Variants in MYO1E observed in about 807,000 individuals in gnomAD.
MYO1E encodes the protein unconventional myosin-Ie.
In MYO1E, 68 loss-of-function variants were observed where a neutral mutation model predicts 151.1. The ratio of observed to expected loss-of-function variants is 0.45; its 90% CI spans 0.37 to 0.55. The LOEUF is 0.55. Ranked by LOEUF, MYO1E falls within the 20% of genes least tolerant of loss-of-function variation. The probability of loss-of-function intolerance (pLI) is 0.00; values close to 1 mark genes in which losing one functional copy is unlikely to be tolerated. For missense variants in MYO1E, 1,363 were observed against 1,389.3 expected (o/e 0.98, Z 0.30); for synonymous variants, 601 against 501.7 (o/e 1.20, Z -2.64).
At chr15:59,339,319 T>C (rs1262223819) in intron 1 of MYO1E, among the ~76,000 whole-genome samples, 1 of 152,174 alleles carries the variant, frequency 6.6e-6, no homozygotes, top group Non-Finnish European at 1.5e-5. Flanking sequence ...ACAAGAGATG[T>C]TTTCCTGTTC....
intron 1 of MYO1E, among the ~76,000 whole-genome samples, chr15:59,325,795 C>G (rs1190432222): frequency 6.6e-6 from 1 of 152,116 alleles, no homozygotes; most frequent in Non-Finnish European, 1.5e-5. Context: ...ATCTGTAGTG[C>G]TCAATGTCAG....
chr15:59,252,630 G>T (rs752520387), intron 4 of MYO1E, among the ~76,000 whole-genome samples: 4 of 152,010 alleles, frequency 2.6e-5, no homozygotes, highest in Non-Finnish European at 5.9e-5. Context: ...CAGGAGAACT[G>T]CTTGAACCCA....
intron 1 of MYO1E, among the ~76,000 whole-genome samples, chr15:59,314,282 T>C (rs1445757886): frequency 2.0e-5 from 3 of 152,206 alleles, no homozygotes; most frequent in African/African-American, 7.2e-5. Context: ...TTTCACACAA[T>C]GCTGGAGAGA....
chr15:59,361,114 G>T (rs779392205), intron 1 of MYO1E, among the ~76,000 whole-genome samples: 20 of 152,104 alleles, frequency 1.3e-4, no homozygotes, highest in Non-Finnish European at 2.2e-4. Flanking sequence ...GAGACACATG[G>T]CCAAGCCATC....
At chr15:59,300,211 C>G (rs1016735799) in intron 1 of MYO1E, among the ~76,000 whole-genome samples, 5 of 152,118 alleles carry the variant, frequency 3.3e-5, no homozygotes, top group Non-Finnish European at 5.9e-5. Flanking sequence ...AACCAGCATG[C>G]CTGGCAATGA....
chr15:59,267,806 A>C (rs1184457837), intron 2 of MYO1E, among the ~76,000 whole-genome samples: 2 of 152,246 alleles, frequency 1.3e-5, no homozygotes, highest in African/African-American at 4.8e-5. Context: ...CTTACAATGT[A>C]ATTGTAAAAA....
At chr15:59,229,988 A>G (rs1181211094) in intron 6 of MYO1E, among the ~76,000 whole-genome samples, 1 of 152,176 alleles carries the variant, frequency 6.6e-6, no homozygotes, top group Non-Finnish European at 1.5e-5. Context: ...AGCTTATGTA[A>G]TTTATTCTAA....
At chr15:59,207,825 T>G (rs1245174830) in intron 14 of MYO1E, 2 of 1,614,196 alleles carry the variant, frequency 1.2e-6, no homozygotes. Flanking sequence ...AAATGAAAGG[T>G]TATACTTCTT....
At chr15:59,344,882 T>A (rs1433613737) in intron 1 of MYO1E, among the ~76,000 whole-genome samples, 1 of 152,192 alleles carries the variant, frequency 6.6e-6, no homozygotes, top group Admixed American at 6.5e-5. Context: ...GGCACTAGAA[T>A]CAATAGGTAC....
chr15:59,207,757 C>T lies in MYO1E; in HGVS notation c.1530+924G>A. 1.2e-6 allele frequency: 2 copies of T among 1,614,132 alleles called. No homozygotes were observed. Among genetic ancestry groups the T allele is most frequent in the Non-Finnish European group, 8.5e-7 (1 of 1,180,042 alleles). Reference sequence around the variant, plus strand: ...CTCTGATATAGGAACTGATAAAGATCCTGAGCAATGGAAAAATGTCCACAA... The same window carrying T: ...CTCTGATATAGGAACTGATAAAGATTCTGAGCAATGGAAAAATGTCCACAA... On this transcript the variant is annotated intron_variant, in intron 14 of 27. Transcript: ENST00000288235.
chr15:59,371,528 G>A (rs1207436399), intron 1 of MYO1E, among the ~76,000 whole-genome samples: 5 of 151,938 alleles, frequency 3.3e-5, no homozygotes. Context: ...AAAGCCCAAG[G>A]GAGGTGGCTA....
chr15:59,317,664 C>G (rs1402681602), intron 1 of MYO1E, among the ~76,000 whole-genome samples: 1 of 152,106 alleles, frequency 6.6e-6, no homozygotes, highest in East Asian at 1.9e-4. Context: ...TTCTTCGGAA[C>G]AGTAAACCCT....
At chr15:59,362,697 C>T (rs1453768674) in intron 1 of MYO1E, among the ~76,000 whole-genome samples, 2 of 152,200 alleles carry the variant, frequency 1.3e-5, no homozygotes, top group African/African-American at 2.4e-5. Context: ...ACACCAAAAA[C>T]AGCCCTATTA....
intron 26 of MYO1E, among the ~76,000 whole-genome samples, chr15:59,149,897 A>T (rs2079466202): frequency 6.6e-6 from 1 of 152,224 alleles, no homozygotes; most frequent in Admixed American, 6.5e-5. Context: ...TTGGGATCCT[A>T]AAATTCCCTG....
intron 1 of MYO1E, among the ~76,000 whole-genome samples, chr15:59,300,774 T>C (rs1242362492): frequency 6.6e-6 from 1 of 152,104 alleles, no homozygotes; most frequent in Non-Finnish European, 1.5e-5. Flanking sequence ...ACAGGCTAGC[T>C]CTAAGAAGCT....
intron 22 of MYO1E, among the ~76,000 whole-genome samples, chr15:59,163,876 A>G (rs1473657236): frequency 6.6e-6 from 1 of 152,248 alleles, no homozygotes; most frequent in Non-Finnish European, 1.5e-5. Context: ...ACGTACAGAC[A>G]CATCCAAGTT....
At chr15:59,247,751 G>T (rs1187882435) in intron 4 of MYO1E, among the ~76,000 whole-genome samples, 1 of 152,150 alleles carries the variant, frequency 6.6e-6, no homozygotes, top group Non-Finnish European at 1.5e-5. Flanking sequence ...TCTGGAGGTG[G>T]AGCCTACATA....
chr15:59,366,295 TTTCTC>T (rs2080912719), intron 1 of MYO1E, among the ~76,000 whole-genome samples: 6 of 56,058 alleles, frequency 1.1e-4, no homozygotes, highest in South Asian at 7.6e-4. Context: ...CTTTCTTTTT[TTTCTC>T]TCTCTCTCTT....
chr15:59,141,722 C>T (rs1009426288), intron 26 of MYO1E, among the ~76,000 whole-genome samples: 4 of 141,784 alleles, frequency 2.8e-5, no homozygotes, highest in East Asian at 4.4e-4. Flanking sequence ...CGCTTGAACC[C>T]GGGAGATGGA....
Sources: gnomAD v4.1 joint callset for allele counts (sites outside exome capture counted in the v4.1 genomes callset) on GRCh38, gnomAD v4.1.1 for gene constraint, MANE v1.5 for transcripts, NCBI Gene and HGNC (gene_info 2026-07-23, HGNC 2026-07-21) for gene names.